The following SUMO3 variants were observed in gnomAD, a reference collection of about 807,000 sequenced individuals.
SUMO3 encodes the protein small ubiquitin-related modifier 3.
Under a neutral mutation model 11.1 loss-of-function variants are expected in SUMO3, and 2 were observed. The ratio of observed to expected loss-of-function variants is 0.18; its 90% confidence interval spans 0.07 to 0.57. The LOEUF (loss-of-function observed/expected upper bound fraction) is 0.57, where lower values mean the gene tolerates loss of function less well. SUMO3 is among the 20% of genes least tolerant of loss of function. The probability of loss-of-function intolerance (pLI) is 0.92; values close to 1 mark genes in which losing one functional copy is unlikely to be tolerated. For synonymous variants in SUMO3, 56 were observed against 53.5 expected (o/e 1.05, Z -0.20); for missense variants, 70 against 132.8 (o/e 0.53, Z 2.32).
At chr21:44,817,741 G>A (rs1228694758) in intron 1 of SUMO3, among the ~76,000 whole-genome samples, 1 of 150,184 alleles carries the variant, frequency 6.7e-6, no homozygotes, top group African/African-American at 2.5e-5. Flanking sequence ...AGGCCCGGAG[G>A]GGGCGGAGCT....
chr21:44,808,033 T>C (rs2083188179), intron 3 of SUMO3, among the ~76,000 whole-genome samples: 1 of 152,212 alleles, frequency 6.6e-6, no homozygotes, highest in African/African-American at 2.4e-5. Flanking sequence ...TCTTAAATGT[T>C]TTGCAAAAAT....
intron 1 of SUMO3, among the ~76,000 whole-genome samples, chr21:44,814,912 G>A (rs1254651535): frequency 2.0e-5 from 3 of 152,158 alleles, no homozygotes; most frequent in Admixed American, 2.0e-4. Flanking sequence ...TTGAGTTGAG[G>A]CAAAAAGCTG....
At chr21:44,813,950 C>A in intron 2 of SUMO3, 26 bp downstream of exon 2, 1 of 1,606,916 alleles carries the variant, frequency 6.2e-7, no homozygotes, top group Non-Finnish European at 8.5e-7. Context: ...CACGGGGAGG[C>A]TCTGCGGGGG....
chr21:44,813,612 C>G (rs984132428), intron 2 of SUMO3: 37 of 569,676 alleles, frequency 6.5e-5, no homozygotes, highest in Non-Finnish European at 1.1e-4. Flanking sequence ...GGGGCACACG[C>G]CACCTGCAGC....
intron 3 of SUMO3, 36 bp downstream of exon 3, chr21:44,809,010 GA>G (rs1437635941): frequency 6.3e-7 from 1 of 1,591,910 alleles, no homozygotes; most frequent in African/African-American, 1.3e-5. Flanking sequence ...GCACAAATCG[GA>G]AGTCGCCCTG....
At chr21:44,808,643 A>G in intron 3 of SUMO3, 1 of 1,380,154 alleles carries the variant, frequency 7.2e-7, no homozygotes, top group Non-Finnish European at 9.4e-7. Flanking sequence ...ACTGATAATC[A>G]GGGGTTATGG....
intron 2 of SUMO3, chr21:44,813,682 G>T: frequency 1.2e-6 from 1 of 819,944 alleles, no homozygotes; most frequent in Non-Finnish European, 1.9e-6. Context: ...AGACTTCACA[G>T]ATGTTAGTAC....
Position 44,810,247 on chromosome 21 carries a change from A to G in SUMO3, c.151-1129T>C, listed in dbSNP as rs981175691. On this transcript the variant is annotated intron_variant, in intron 2 of 3. Coordinates refer to ENST00000332859, the MANE Select transcript of SUMO3 (RefSeq NM_006936.3). This position sits in a 1 kb window ranked among gnomAD's most constrained non-coding sequence, Gnocchi z 4.1. ...AGTAAATGAAAAAGGCACAAACAGG[A>G]AGGACAAAGAAAACGGGAGTGGGGA... Among the ~76,000 whole-genome samples, 9 of 152,218 alleles carry G rather than the reference A, an allele frequency of 5.9e-5. No homozygotes were observed. The highest frequency in any genetic ancestry group is 2.2e-4 in the African/African-American group (9 of 41,450).
In SUMO3 at chr21:44,807,128, G is replaced by C; in HGVS notation, c.223-88C>G. The stretch of plus-strand genomic sequence containing the variant: ...AGTGGGAAGATCCTCACTGGCATGA[G>C]TGTTCCCTGACACTAGCGACATCAC... On this transcript the variant is annotated intron_variant, in intron 3 of 3. Coordinates refer to ENST00000332859, the MANE Select transcript of SUMO3 (RefSeq NM_006936.3). The surrounding 1 kb of genome is among the most constrained non-coding windows in gnomAD (Gnocchi z 4.3). 1.3e-6 allele frequency: 2 copies of C among 1,514,770 alleles called. No homozygotes were observed. The highest frequency in any genetic ancestry group is 2.7e-5 in the African/African-American group (2 of 73,438). 93.8% of individuals were successfully genotyped at this position (1,514,770 alleles called of 1,614,324 possible). A position where few individuals can be genotyped will look rare whatever the true frequency, so the allele number is the denominator to read the frequency against.
In SUMO3 at chr21:44,806,814, G is replaced by A. The variant is rs1354577299; in HGVS notation, c.*137C>T. On this transcript the variant is annotated 3_prime_UTR_variant, in exon 4 of 4. Transcript: ENST00000332859. ...GCAGATATAGTTTTGAGTTGCACTTGAAGTACATCAAAGAGAGGAAAATCA... is the reference window on the plus strand; with the variant it reads ...GCAGATATAGTTTTGAGTTGCACTTAAAGTACATCAAAGAGAGGAAAATCA... 5 of 1,460,896 alleles carry A rather than the reference G, an allele frequency of 3.4e-6. No individual in the cohort carries two copies. The highest frequency in any genetic ancestry group is 1.4e-5 in the African/African-American group (1 of 70,402). The allele number at this position is 1,460,896 out of a possible 1,614,324, so 90.5% of individuals were successfully genotyped here. A position where few individuals can be genotyped will look rare whatever the true frequency, so the allele number is the denominator to read the frequency against.
At chr21:44,812,915 G>A (rs940776507) in intron 2 of SUMO3, among the ~76,000 whole-genome samples, 5 of 152,236 alleles carry the variant, frequency 3.3e-5, no homozygotes, top group Non-Finnish European at 5.9e-5. Flanking sequence ...GCTGGATCAC[G>A]GGGCCTACAC....
intron 1 of SUMO3, among the ~76,000 whole-genome samples, chr21:44,817,260 G>A (rs547429190): frequency 9.4e-5 from 14 of 149,688 alleles, no homozygotes; most frequent in Admixed American, 2.0e-4. Context: ...GTGCACACGG[G>A]GCGCGATGGG....
chr21:44,808,590 C>G, intron 3 of SUMO3: 1 of 1,374,744 alleles, frequency 7.3e-7, no homozygotes, highest in Non-Finnish European at 9.5e-7. Context: ...TAGATGAAAT[C>G]TCATTCATGT....
At chr21:44,813,769 T>C (rs909667660) in intron 2 of SUMO3, 65 of 1,469,098 alleles carry the variant, frequency 4.4e-5, no homozygotes, top group Non-Finnish European at 5.9e-5. Context: ...AGCCTCTAGG[T>C]CCCTCCACCT....
chr21:44,809,226 T>C (rs1569307556), intron 2 of SUMO3, 108 bp from the exon 3 acceptor site: 10 of 1,081,172 alleles, frequency 9.2e-6, no homozygotes, highest in Middle Eastern at 2.0e-4. Flanking sequence ...GCAGTGGCCA[T>C]TAAACATTTC....
intron 3 of SUMO3, chr21:44,808,515 A>AG: frequency 8.0e-7 from 1 of 1,244,636 alleles, no homozygotes; most frequent in Non-Finnish European, 1.0e-6. Flanking sequence ...ACTCCGTCTC[A>AG]AAAAAAAAAG....
intron 2 of SUMO3, 52 bp downstream of exon 2, chr21:44,813,924 A>G (rs1752646486): frequency 6.2e-7 from 1 of 1,602,638 alleles, no homozygotes; most frequent in Non-Finnish European, 8.5e-7. Flanking sequence ...CCTGGAACGC[A>G]CAGGACCAGT....
intron 2 of SUMO3, among the ~76,000 whole-genome samples, chr21:44,812,613 T>C (rs1206151807): frequency 6.6e-6 from 1 of 152,192 alleles, no homozygotes; most frequent in Admixed American, 6.5e-5. Flanking sequence ...GGAGGAGGAC[T>C]AATCCAGGAA....
chr21:44,812,929 G>A (rs1399125657), intron 2 of SUMO3, among the ~76,000 whole-genome samples: 1 of 152,254 alleles, frequency 6.6e-6, no homozygotes, highest in Non-Finnish European at 1.5e-5. Context: ...CCTACACGGC[G>A]CCAGGCCACT....
Sources: allele counts gnomAD v4.1 joint callset (sites outside exome capture counted in the v4.1 genomes callset), GRCh38; gene constraint gnomAD v4.1.1; non-coding constraint Gnocchi (gnomAD v3.1); transcripts MANE v1.5; gene names NCBI Gene and HGNC (gene_info 2026-07-23, HGNC 2026-07-21).